Variants in KCNMA1 observed in about 807,000 individuals in gnomAD.
KCNMA1 encodes the protein potassium calcium-activated channel subfamily M alpha 1.
Under a neutral mutation model 140.0 loss-of-function variants are expected in KCNMA1, and 29 were observed. That is an observed-to-expected ratio of 0.21 (90% confidence interval 0.15 to 0.28). The LOEUF (loss-of-function observed/expected upper bound fraction) is 0.28, where lower values mean the gene tolerates loss of function less well. KCNMA1 is among the 10% of genes least tolerant of loss of function. The probability of loss-of-function intolerance (pLI) is 1.00; values close to 1 mark genes in which losing one functional copy is unlikely to be tolerated. For missense variants in KCNMA1, 880 were observed against 1,602.2 expected, an observed-to-expected ratio of 0.55 and a Z score of 7.70; for synonymous variants, 612 against 611.9, an observed-to-expected ratio of 1.00 and a Z score of 0.00.
At chr10:77,538,023 C>A (rs932968163) in intron 1 of KCNMA1, among the ~76,000 whole-genome samples, 1 of 151,640 alleles carries the variant, frequency 6.6e-6, no homozygotes, top group East Asian at 1.9e-4. Flanking sequence ...ATACTCTACA[C>A]GTACTCTCAC....
At chr10:77,141,078 G>A (rs2098157342) in intron 5 of KCNMA1, among the ~76,000 whole-genome samples, 3 of 152,034 alleles carry the variant, frequency 2.0e-5, no homozygotes, top group South Asian at 4.1e-4. Context: ...TCCTCCTGTC[G>A]TGGCCACCTC....
chr10:77,163,966 A>G (rs1453981307), intron 5 of KCNMA1, among the ~76,000 whole-genome samples: 1 of 152,194 alleles, frequency 6.6e-6, no homozygotes, highest in Non-Finnish European at 1.5e-5. Flanking sequence ...GAAAGAATTA[A>G]TTCATTAGGA....
intron 25 of KCNMA1, 118 bp downstream of exon 25, chr10:76,909,848 T>C (rs775293832): frequency 8.6e-6 from 9 of 1,049,040 alleles, no homozygotes; most frequent in African/African-American, 3.2e-5. Context: ...AGGTGTGAGC[T>C]TCTAGGAGTC....
intron 19 of KCNMA1, among the ~76,000 whole-genome samples, chr10:77,000,900 A>ATATATATATATATG (rs1412998914): frequency 1.6e-5 from 2 of 128,796 alleles, no homozygotes; most frequent in Non-Finnish European, 1.6e-5. Context: ...ATATATATAT[A>ATATATATATATATG]TCCATCTGCA....
intron 2 of KCNMA1, among the ~76,000 whole-genome samples, chr10:77,320,076 A>G (rs1289801753): frequency 6.6e-6 from 1 of 152,236 alleles, no homozygotes; most frequent in East Asian, 1.9e-4. Context: ...AGGTAACACA[A>G]TCTACACTCT....
chr10:77,542,820 T>G (rs1160619282), intron 1 of KCNMA1, among the ~76,000 whole-genome samples: 23 of 152,150 alleles, frequency 1.5e-4, no homozygotes, highest in Non-Finnish European at 1.5e-5. Context: ...ACCCCATGCT[T>G]CAGAAGTATT....
chr10:76,917,130 C>T (rs926089808), intron 23 of KCNMA1, among the ~76,000 whole-genome samples: 6 of 152,178 alleles, frequency 3.9e-5, no homozygotes, highest in Non-Finnish European at 7.4e-5. Context: ...GAAAACTAAA[C>T]TGTTTTCATT....
At chr10:76,914,159 G>A (rs2051623595) in intron 24 of KCNMA1, 1 of 1,525,962 alleles carries the variant, frequency 6.6e-7, no homozygotes, top group Non-Finnish European at 8.9e-7. Context: ...CAGCATTTAA[G>A]GGTTGGGGAA....
At chr10:77,472,005 C>G (rs2098167905) in intron 1 of KCNMA1, among the ~76,000 whole-genome samples, 1 of 146,158 alleles carries the variant, frequency 6.8e-6, no homozygotes, top group Admixed American at 6.9e-5. Flanking sequence ...ACACACCACA[C>G]ACACATACAC....
chr10:77,056,395 T>C (rs2095541971), intron 14 of KCNMA1, among the ~76,000 whole-genome samples: 1 of 151,510 alleles, frequency 6.6e-6, no homozygotes, highest in South Asian at 2.1e-4. Flanking sequence ...ATAATAATAA[T>C]AACAATAATA....
At position 77,182,416 on chromosome 10, in the gene KCNMA1, G is replaced by A. The variant is rs527858709; in HGVS notation, c.808+1005C>T. Among the ~76,000 whole-genome samples the A allele has an allele frequency of 1.4e-3, 207 of 152,282 alleles. 1 individual carries two copies. Among genetic ancestry groups the A allele is most frequent in the Non-Finnish European group, 1.3e-3 (91 of 68,018 alleles). On this transcript the variant is annotated intron_variant, in intron 5 of 27. Coordinates refer to ENST00000286628, the MANE Select transcript of KCNMA1 (RefSeq NM_001161352.2). The stretch of plus-strand genomic sequence containing the variant: ...TTAGGAAGCCAAATTGTGGTGCAAT[G>A]TAATTATTTGAAACAATTTCTTATA...
Position 77,637,291 on chromosome 10 carries a change from A to ACAC in KCNMA1, c.349_351dup (p.Val117dup), listed in dbSNP as rs1481966171. The ACAC allele has an allele frequency of 6.2e-7, 1 of 1,610,556 alleles. No individual in the cohort carries two copies. The highest frequency in any genetic ancestry group is 1.3e-5 in the African/African-American group (1 of 74,902). On this transcript the variant is annotated inframe_insertion, in exon 1 of 28. Coordinates refer to ENST00000286628, the MANE Select transcript of KCNMA1 (RefSeq NM_001161352.2). ...TTCGTCTTGCCCCCGCAGTGGCAGC[A>ACAC]CACGGTCCACAGGTACTTGAGCGTC...
At chr10:77,626,120 G>A (rs956837954) in intron 1 of KCNMA1, among the ~76,000 whole-genome samples, 1 of 151,864 alleles carries the variant, frequency 6.6e-6, no homozygotes. Context: ...TGAACATGTA[G>A]TATATTTGGG....
chr10:77,430,757 A>G (rs2097136409), intron 1 of KCNMA1, among the ~76,000 whole-genome samples: 1 of 152,100 alleles, frequency 6.6e-6, no homozygotes, highest in Non-Finnish European at 1.5e-5. Context: ...TATAAGTACA[A>G]CTCCCATGAG....
At chr10:77,321,272 C>A (rs2154354951) in intron 2 of KCNMA1, among the ~76,000 whole-genome samples, 1 of 152,268 alleles carries the variant, frequency 6.6e-6, no homozygotes, top group South Asian at 2.1e-4. Context: ...CCACATGTGC[C>A]AAATAAATCC....
intron 1 of KCNMA1, among the ~76,000 whole-genome samples, chr10:77,599,091 A>G (rs963013384): frequency 6.6e-6 from 1 of 152,172 alleles, no homozygotes; most frequent in South Asian, 2.1e-4. Flanking sequence ...CTAAAAGTCA[A>G]AATAAAGGTA....
At chr10:77,522,620 G>A (rs534258115) in intron 1 of KCNMA1, among the ~76,000 whole-genome samples, 26 of 152,260 alleles carry the variant, frequency 1.7e-4, no homozygotes, top group African/African-American at 5.5e-4. Flanking sequence ...CAGGGGGGCC[G>A]GATACAGGGA....
chr10:77,381,881 G>A (rs1231779485), intron 2 of KCNMA1, among the ~76,000 whole-genome samples: 5 of 152,282 alleles, frequency 3.3e-5, no homozygotes, highest in South Asian at 2.1e-4. Flanking sequence ...TGGGCAACCC[G>A]GCTTCCAATG....
intron 5 of KCNMA1, among the ~76,000 whole-genome samples, chr10:77,127,270 A>G (rs574473073): frequency 5.3e-5 from 8 of 152,246 alleles, no homozygotes; most frequent in African/African-American, 1.7e-4. Context: ...AAAAATACGT[A>G]CACAGAAGAA....
Sources: allele counts gnomAD v4.1 joint callset (sites outside exome capture counted in the v4.1 genomes callset), GRCh38; gene constraint gnomAD v4.1.1; transcripts MANE v1.5; gene names NCBI Gene and HGNC (gene_info 2026-07-23, HGNC 2026-07-21).